Variants in LCORL observed in about 807,000 individuals in gnomAD.
LCORL encodes the protein ligand-dependent nuclear receptor corepressor-like protein.
Under a neutral mutation model 141.8 loss-of-function variants are expected in LCORL, and 41 were observed. That is an observed-to-expected ratio of 0.29 (90% CI 0.23 to 0.38). The LOEUF (loss-of-function observed/expected upper bound fraction) is 0.38. Ranked by LOEUF, LCORL falls within the 10% of genes least tolerant of loss-of-function variation. The pLI is 1.00. For missense variants in LCORL, 1,759 were observed against 2,035.0 expected, an observed-to-expected ratio of 0.86 and a Z score of 2.61; for synonymous variants, 618 against 694.1, an observed-to-expected ratio of 0.89 and a Z score of 1.72.
At chr4:17,894,613 T>G in intron 5 of LCORL, among the ~76,000 whole-genome samples, 1 of 152,234 alleles carries the variant, frequency 6.6e-6, no homozygotes, top group East Asian at 1.9e-4. Flanking sequence ...TCCAGCTTAA[T>G]AGAAAACAGC....
chr4:17,952,506 C>G (rs1711589712), intron 4 of LCORL, among the ~76,000 whole-genome samples: 1 of 151,026 alleles, frequency 6.6e-6, no homozygotes, highest in South Asian at 2.1e-4. Flanking sequence ...AGCTCTGCCT[C>G]CCAGGTTCAC....
intron 1 of LCORL, among the ~76,000 whole-genome samples, chr4:18,019,790 T>A (rs1340198799): frequency 6.6e-6 from 1 of 152,212 alleles, no homozygotes; most frequent in Non-Finnish European, 1.5e-5. Flanking sequence ...AGTGTTGCAA[T>A]GCTGTCATCC....
intron 4 of LCORL, among the ~76,000 whole-genome samples, chr4:17,910,948 T>C (rs2109333296): frequency 6.6e-6 from 1 of 152,298 alleles, no homozygotes; most frequent in East Asian, 1.9e-4. Flanking sequence ...TAGAACCTGA[T>C]AGGAAAGAGG....
Position 18,017,983 on chromosome 4 carries a change from G to C in LCORL, c.154+3615C>G, listed in dbSNP as rs111388447. ...AAAAATATAGAGAGATCAGTATAAA[G>C]CAAGAATGATAAACACAGCAAAATG... On this transcript the variant is annotated intron_variant, in intron 1 of 7. Coordinates refer to ENST00000635767, the Ensembl canonical transcript of LCORL. 4.9e-3 allele frequency among the ~76,000 whole-genome samples: 746 copies of C among 152,132 alleles called. 3 individuals are homozygous for C. Among genetic ancestry groups the C allele is most frequent in the African/African-American group, 0.017 (706 of 41,528 alleles).
intron 4 of LCORL, among the ~76,000 whole-genome samples, chr4:17,949,303 G>C (rs1739365279): frequency 6.6e-6 from 1 of 152,110 alleles, no homozygotes; most frequent in Non-Finnish European, 1.5e-5. Context: ...AGATGTTTTA[G>C]AATGGGCCAA....
At chr4:17,932,377 G>A (rs191475285) in intron 4 of LCORL, among the ~76,000 whole-genome samples, 7 of 152,198 alleles carry the variant, frequency 4.6e-5, no homozygotes, top group African/African-American at 1.7e-4. Context: ...GAGTTTGTCT[G>A]TTTGTTAATT....
chr4:17,931,148 T>A (rs1735973215), intron 4 of LCORL, among the ~76,000 whole-genome samples: 1 of 152,092 alleles, frequency 6.6e-6, no homozygotes, highest in Admixed American at 6.6e-5. Context: ...ATAGTTGTTA[T>A]TCTCCCCTTG....
At chr4:17,862,434 G>A (rs1377858458) in intron 7 of LCORL, among the ~76,000 whole-genome samples, 6 of 152,092 alleles carry the variant, frequency 3.9e-5, no homozygotes, top group African/African-American at 7.2e-5. Flanking sequence ...CCCACAACAC[G>A]TGGGAATTCA....
At chr4:17,862,960 G>T (rs1725174438) in intron 7 of LCORL, among the ~76,000 whole-genome samples, 1 of 151,608 alleles carries the variant, frequency 6.6e-6, no homozygotes, top group Non-Finnish European at 1.5e-5. Flanking sequence ...TCTGGCAAAG[G>T]TCTAATATCC....
chr4:17,849,479 G>T (rs1723363145), intron 7 of LCORL, among the ~76,000 whole-genome samples: 1 of 152,060 alleles, frequency 6.6e-6, no homozygotes, highest in African/African-American at 2.4e-5. Context: ...TCTGTTAGAA[G>T]GAAAACTAAC....
At position 17,884,544 on chromosome 4, in the gene LCORL, C is replaced by T. The variant is rs143557805; in HGVS notation, c.776+1524G>A. ...TTATATGAATAACTATCATGGAAAT[C>T]TCGAGTTTTGTTTTTAAAAGATGCA... On this transcript the variant is annotated intron_variant, in intron 6 of 7. Coordinates refer to ENST00000635767, the Ensembl canonical transcript of LCORL. This position sits in a 1 kb window ranked among gnomAD's most constrained non-coding sequence, Gnocchi z 4.4. 1.3e-6 allele frequency: 2 copies of T among 1,534,918 alleles called. No homozygotes were observed. The highest frequency in any genetic ancestry group is 2.5e-5 in the East Asian group (1 of 40,794).
chr4:17,872,272 A>G (rs1385263983), intron 7 of LCORL, among the ~76,000 whole-genome samples: 14 of 152,052 alleles, frequency 9.2e-5, no homozygotes, highest in African/African-American at 2.4e-5. Flanking sequence ...AAATGGCTAC[A>G]CTGGCAACTA....
chr4:17,999,704 G>A (rs1042690412), intron 1 of LCORL, among the ~76,000 whole-genome samples: 6 of 152,140 alleles, frequency 3.9e-5, no homozygotes, highest in African/African-American at 1.4e-4. Context: ...TAAATTCAGC[G>A]ACAATTTGGT....
intron 7 of LCORL, among the ~76,000 whole-genome samples, chr4:17,855,623 C>T (rs1724271126): frequency 6.6e-6 from 1 of 152,162 alleles, no homozygotes; most frequent in Admixed American, 6.5e-5. Context: ...GTGATTTGCT[C>T]TGGCCAACAG....
At chr4:17,990,101 T>A (rs1017485871) in intron 1 of LCORL, among the ~76,000 whole-genome samples, 7 of 149,434 alleles carry the variant, frequency 4.7e-5, no homozygotes, top group African/African-American at 1.7e-4. Flanking sequence ...TCTGCGTTTT[T>A]TTTTTTTTTT....
chr4:17,922,833 T>A (rs1734509160), intron 4 of LCORL, among the ~76,000 whole-genome samples: 1 of 152,126 alleles, frequency 6.6e-6, no homozygotes, highest in Admixed American at 6.5e-5. Context: ...GAGCTTTTAG[T>A]CAGAGGAAAC....
At chr4:17,908,094 A>G (rs1455574118) in intron 5 of LCORL, among the ~76,000 whole-genome samples, 2 of 151,986 alleles carry the variant, frequency 1.3e-5, no homozygotes, top group African/African-American at 4.8e-5. Context: ...GTGCAATGGT[A>G]TGATCTCGGC....
chr4:17,968,177 TGACATTACTTTTTAAC>T (rs895019077), intron 2 of LCORL, among the ~76,000 whole-genome samples: 7 of 152,140 alleles, frequency 4.6e-5, no homozygotes, highest in African/African-American at 1.4e-4. Flanking sequence ...TACTTTTTAT[TGACATTACTTTTTAAC>T]GACATTACTT....
chr4:17,881,831 C>A (rs1261952155), intron 6 of LCORL: 4 of 983,792 alleles, frequency 4.1e-6, no homozygotes, highest in African/African-American at 1.8e-5. Flanking sequence ...ATGTACTTTA[C>A]CTTTAACTTT....
Sources: gnomAD v4.1 joint callset for allele counts (sites outside exome capture counted in the v4.1 genomes callset) on GRCh38, gnomAD v4.1.1 for gene constraint, Gnocchi (gnomAD v3.1) non-coding constraint, MANE v1.5 for transcripts, NCBI Gene and HGNC (gene_info 2026-07-23, HGNC 2026-07-21) for gene names.